The following CHODL variants were observed in gnomAD, a reference collection of about 807,000 sequenced individuals.
CHODL encodes the protein chondrolectin, also known as transmembrane protein MT75.
CHODL carries 29 observed loss-of-function variants against 34.5 expected under a neutral mutation model. The ratio of observed to expected loss-of-function variants is 0.84; its 90% CI spans 0.63 to 1.15. The LOEUF (loss-of-function observed/expected upper bound fraction) is 1.15, where lower values mean the gene tolerates loss of function less well. CHODL is among the 50% of genes most tolerant of loss of function. CHODL has a pLI of 0.00. For synonymous variants in CHODL, 125 were observed against 116.1 expected, an observed-to-expected ratio of 1.08 and a Z score of -0.49; for missense variants, 332 against 332.5, an observed-to-expected ratio of 1.00 and a Z score of 0.01.
Position 18,169,845 on chromosome 21 carries a change from T to C in CHODL, c.-44-86664T>C, listed in dbSNP as rs913840530. Among the ~76,000 whole-genome samples the C allele has an allele frequency of 2.0e-4, 30 of 152,074 alleles. 1 individual carries two copies. On this transcript the variant is annotated intron_variant, in intron 2 of 6. Coordinates refer to the CHODL transcript ENST00000400127. ...ATCTCAAAGTTTTTCTGAATTTTCTTGTGATTGATTCTTTGGCTGGTTTGT... is the reference window on the plus strand; with the variant it reads ...ATCTCAAAGTTTTTCTGAATTTTCTCGTGATTGATTCTTTGGCTGGTTTGT...
upstream of CHODL, among the ~76,000 whole-genome samples, chr21:18,241,662 A>G (rs73206928): frequency 0.13 from 19,403 of 152,160 alleles, 1,273 homozygotes; most frequent in Middle Eastern, 0.18. Flanking sequence ...TGATGGGCGC[A>G]TGAAGCAGAT....
At chr21:18,002,045 C>T (rs1415544174) in intron 1 of CHODL, among the ~76,000 whole-genome samples, 37 of 152,058 alleles carry the variant, frequency 2.4e-4, no homozygotes, top group Admixed American at 2.4e-3. Flanking sequence ...TGTGTCTGTT[C>T]CAGTAACTCA....
intron 2 of CHODL, among the ~76,000 whole-genome samples, chr21:18,062,375 A>ATT (rs71189579): frequency 6.6e-6 from 1 of 151,636 alleles, no homozygotes; most frequent in Non-Finnish European, 1.5e-5. Flanking sequence ...CAGCCAGCTA[A>ATT]TTTTTTTATT....
intron 2 of CHODL, among the ~76,000 whole-genome samples, chr21:18,160,266 G>T (rs530935773): frequency 6.6e-6 from 1 of 152,308 alleles, no homozygotes; most frequent in South Asian, 2.1e-4. Flanking sequence ...TTAAAAACCA[G>T]TGCTCTTAGA....
intron 1 of CHODL, among the ~76,000 whole-genome samples, 173 bp from the exon 2 acceptor site, chr21:18,256,336 T>G (rs1165848105): frequency 2.0e-5 from 3 of 152,176 alleles, no homozygotes; most frequent in Non-Finnish European, 4.4e-5. Context: ...TAAATTTGCT[T>G]TTACAAATTG....
chr21:18,251,697 T>A (rs895189414), intron 1 of CHODL, among the ~76,000 whole-genome samples: 6,526 of 109,780 alleles, frequency 0.059, 325 homozygotes, highest in Non-Finnish European at 0.079. Context: ...ATAAATATTT[T>A]ATTTATTTAT....
At chr21:17,978,412 ACTCCGT>A in intron 1 of CHODL, among the ~76,000 whole-genome samples, 1 of 107,260 alleles carries the variant, frequency 9.3e-6, no homozygotes. Context: ...ACAGAGCGAG[ACTCCGT>A]ATCAAAAAAA....
chr21:18,140,210 T>A (rs1482717033), intron 2 of CHODL, among the ~76,000 whole-genome samples: 1 of 152,216 alleles, frequency 6.6e-6, no homozygotes, highest in African/African-American at 2.4e-5. Context: ...AAAACGTGGA[T>A]AATTTGCTCC....
intron 2 of CHODL, among the ~76,000 whole-genome samples, chr21:18,053,798 T>A (rs2146472831): frequency 6.6e-6 from 1 of 151,980 alleles, no homozygotes; most frequent in East Asian, 1.9e-4. Context: ...GAAGGCAGCC[T>A]CATGTAAGAC....
At chr21:18,228,588 G>T (rs1382450038) in intron 2 of CHODL, among the ~76,000 whole-genome samples, 1 of 152,110 alleles carries the variant, frequency 6.6e-6, no homozygotes, top group Non-Finnish European at 1.5e-5. Context: ...AATTTGGCAT[G>T]GAAAGATGCT....
intron 1 of CHODL, among the ~76,000 whole-genome samples, chr21:17,949,455 TAAAG>T (rs1356741350): frequency 1.3e-5 from 2 of 152,266 alleles, no homozygotes; most frequent in African/African-American, 2.4e-5. Flanking sequence ...CAGAAATTGT[TAAAG>T]AAATAAATTC....
chr21:18,163,585 T>G (rs572655531), intron 2 of CHODL, among the ~76,000 whole-genome samples: 2 of 152,346 alleles, frequency 1.3e-5, no homozygotes, highest in East Asian at 3.9e-4. Flanking sequence ...ATTATCTTTT[T>G]AAATTTTATA....
chr21:18,064,751 G>T (rs183082232), intron 2 of CHODL, among the ~76,000 whole-genome samples: 3 of 151,762 alleles, frequency 2.0e-5, no homozygotes, highest in South Asian at 4.2e-4. Context: ...CTCTCTCTCC[G>T]CACACACACA....
intron 2 of CHODL, among the ~76,000 whole-genome samples, chr21:18,140,609 C>T (rs1166349284): frequency 6.6e-6 from 1 of 151,992 alleles, no homozygotes; most frequent in Non-Finnish European, 1.5e-5. Flanking sequence ...TGAAAAGTCC[C>T]AGGTACCAGA....
At chr21:18,049,089 T>A (rs1290874452) in intron 2 of CHODL, among the ~76,000 whole-genome samples, 1 of 151,984 alleles carries the variant, frequency 6.6e-6, no homozygotes, top group East Asian at 1.9e-4. Flanking sequence ...ATCTCCTACA[T>A]TGTTCTTGTA....
intron 2 of CHODL, among the ~76,000 whole-genome samples, chr21:18,150,717 C>T (rs1041900840): frequency 2.0e-5 from 3 of 152,138 alleles, no homozygotes; most frequent in African/African-American, 7.2e-5. Flanking sequence ...ATTATTTCTC[C>T]CCAAGACAGG....
chr21:18,020,196 C>A (rs1367571947), intron 1 of CHODL, among the ~76,000 whole-genome samples: 8 of 152,100 alleles, frequency 5.3e-5, no homozygotes, highest in Non-Finnish European at 8.8e-5. Flanking sequence ...GTTTAGTTGG[C>A]TCAGACAATT....
At chr21:18,139,989 A>G (rs2072782186) in intron 2 of CHODL, among the ~76,000 whole-genome samples, 2 of 152,162 alleles carry the variant, frequency 1.3e-5, no homozygotes, top group South Asian at 4.1e-4. Flanking sequence ...TTTTGTCCTG[A>G]TCCACTTCCT....
At chr21:18,078,802 T>C (rs2064898343) in intron 2 of CHODL, among the ~76,000 whole-genome samples, 1 of 152,132 alleles carries the variant, frequency 6.6e-6, no homozygotes, top group African/African-American at 2.4e-5. Context: ...CTCATTTAGT[T>C]CTCAAAGAGC....
Sources: allele counts gnomAD v4.1 joint callset (sites outside exome capture counted in the v4.1 genomes callset), GRCh38; gene constraint gnomAD v4.1.1; transcripts MANE v1.5; gene names NCBI Gene and HGNC (gene_info 2026-07-23, HGNC 2026-07-21).